COL3A1: variants seen among roughly 807,000 people sequenced by gnomAD.
COL3A1 encodes collagen type III alpha 1 chain.
A neutral mutation model predicts 200.9 loss-of-function variants in COL3A1; 46 were observed. The observed-to-expected ratio is 0.23, with a 90% CI of 0.18 to 0.29. COL3A1 has a LOEUF of 0.29. COL3A1 is among the 10% of genes least tolerant of loss of function. The pLI is 1.00. For missense variants in COL3A1, 1,367 were observed against 1,917.6 expected, an observed-to-expected ratio of 0.71 and a Z score of 5.36; for synonymous variants, 650 against 628.0, an observed-to-expected ratio of 1.03 and a Z score of -0.52.
At chr2:188,975,273 A>G (rs992278755) in intron 1 of COL3A1, among the ~76,000 whole-genome samples, 1 of 152,216 alleles carries the variant, frequency 6.6e-6, no homozygotes, top group East Asian at 1.9e-4. Context: ...TATTTTTTAA[A>G]ATGTTTCAAC....
intron 37 of COL3A1, 82 bp from the exon 38 acceptor site, chr2:189,003,652 C>A: frequency 6.7e-7 from 1 of 1,481,602 alleles, no homozygotes; most frequent in Non-Finnish European, 9.4e-7. Flanking sequence ...CAATGCAGAT[C>A]ATGCCACACA....
rs1291783479 is a variant in COL3A1 at position 188,991,690 on chromosome 2, G to A, written c.919G>A (p.Glu307Lys). The A allele has an allele frequency of 6.2e-7, 1 of 1,614,022 alleles. No homozygotes were observed. The highest frequency in any genetic ancestry group is 1.1e-5 in the South Asian group (1 of 91,072). Residue 307 changes from glutamate (E) to lysine (K), a missense_variant, in exon 13 of 51, where the codon GAG becomes AAG. By Grantham distance (56) the Glu-to-Lys change is moderately conservative. Coordinates refer to ENST00000304636, the MANE Select transcript of COL3A1 (RefSeq NM_000090.4). ...GPMGPRGAPG[E>K]RGRPGLPGAA... ...GTAGGGTCCAAGAGGGGCTCCTGGT[G>A]AGCGAGGACGGCCAGGACTTCCTGG...
intron 15 of COL3A1, 95 bp downstream of exon 15, chr2:188,993,035 A>G: frequency 8.9e-7 from 1 of 1,121,444 alleles, no homozygotes; most frequent in Non-Finnish European, 1.4e-6. Flanking sequence ...TTAATCAGTC[A>G]AATGGATAGC....
intron 15 of COL3A1, 112 bp from the exon 16 acceptor site, chr2:188,993,249 G>A: frequency 1.2e-6 from 1 of 863,936 alleles, no homozygotes; most frequent in South Asian, 1.4e-5. Flanking sequence ...CTGCAGTATA[G>A]AGTCCCACTA....
At chr2:189,002,238 C>G in intron 34 of COL3A1, 60 bp from the exon 35 acceptor site, 1 of 1,327,468 alleles carries the variant, frequency 7.5e-7, no homozygotes. Context: ...GATGACATTT[C>G]CTGCCTAAAG....
At position 189,004,326 on chromosome 2, in the gene COL3A1, C is replaced by A. The variant is rs1688539472; in HGVS notation, c.2893C>A (p.Pro965Thr). 1 of 1,606,736 alleles carries A rather than the reference C, an allele frequency of 6.2e-7. No individual in the cohort carries two copies. Among genetic ancestry groups the A allele is most frequent in the Non-Finnish European group, 8.5e-7 (1 of 1,176,962 alleles). The change falls in exon 40 of 51, where the codon CCA becomes ACA. Residue 965 changes from proline (P) to threonine (T), a missense_variant. Transcript: ENST00000304636. ...GGGTCTTGCAGGACCACCAGGCATG[C>A]CAGGTCCTAGGGGAAGCCCTGGCCC... ...ARGLAGPPGM[P>T]GPRGSPGPQG... is the part of the protein sequence containing the mutation.
intron 8 of COL3A1, 108 bp from the exon 9 acceptor site, chr2:188,989,988 T>C (rs1688152060): frequency 2.9e-6 from 3 of 1,034,744 alleles, no homozygotes; most frequent in East Asian, 2.4e-5. Flanking sequence ...TGTGGAACCA[T>C]TTTAATGAGT....
In COL3A1 at chr2:188,990,371, T is replaced by A. The variant is rs1373366033; in HGVS notation, c.798+11T>A. The A allele has an allele frequency of 1.2e-6, 2 of 1,611,882 alleles. No homozygotes were observed. The highest frequency in any genetic ancestry group is 1.7e-5 in the Admixed American group (1 of 59,910). ...ATGAAAGGACACAGAGTAAGTAGAG[T>A]TTCTAAGTTGTTTACAAGGTATTCC... On this transcript the variant is annotated intron_variant, in intron 10 of 50. Transcript: ENST00000304636.
Position 189,010,377 on chromosome 2 carries a change from T to G in COL3A1, c.4011+12T>G. On this transcript the variant is annotated intron_variant, in intron 49 of 50. Transcript: ENST00000304636. ...ATGGTGGTTTTCAGGTAGGAAAGGA[T>G]ATACCTTTTTTTAAATAAGTCACCT... The G allele has an allele frequency of 6.2e-7, 1 of 1,613,832 alleles. No homozygotes were observed. The highest frequency in any genetic ancestry group is 1.7e-5 in the Admixed American group (1 of 60,020).
In COL3A1 at chr2:188,994,236, T is replaced by C. The variant is rs892020201; in HGVS notation, c.1197T>C (p.Gly399=). 6 of 1,613,934 alleles carry C rather than the reference T, an allele frequency of 3.7e-6. No homozygotes were observed. In the Admixed American group the frequency reaches 8.3e-5, roughly 22 times the overall value. ...TAGTGTCTTTGGTTTGTTCTTAGGG[T>C]CCCGCTGGCATTCCTGGAGCTCCTG... ...NGSPGGKGEM[G]PAGIPGAPGL... The change falls in exon 18 of 51, where the codon GGT becomes GGC. Residue 399 remains glycine, a splice_region_variant and synonymous_variant. Transcript: ENST00000304636. This position sits in a 1 kb window ranked among gnomAD's most constrained non-coding sequence, Gnocchi z 4.5.
intron 42 of COL3A1, 33 bp downstream of exon 42, chr2:189,006,292 T>C: frequency 6.2e-7 from 1 of 1,614,036 alleles, no homozygotes; most frequent in Non-Finnish European, 8.5e-7. Flanking sequence ...TGATTTGTGT[T>C]ATCAAAATAA....
At chr2:188,976,796 C>T (rs970882753) in intron 1 of COL3A1, among the ~76,000 whole-genome samples, 2 of 152,126 alleles carry the variant, frequency 1.3e-5, no homozygotes, top group Non-Finnish European at 2.9e-5. Context: ...AATGGAGAAA[C>T]ATAGTCTGTT....
intron 7 of COL3A1, 138 bp from the exon 8 acceptor site, chr2:188,989,258 A>G (rs1688126562): frequency 1.6e-6 from 1 of 644,506 alleles, no homozygotes; most frequent in Non-Finnish European, 2.7e-6. Context: ...TTAACTCAGT[A>G]AGTATCATTT....
rs3736487 is a variant in COL3A1 at position 188,991,217 on chromosome 2, G to A, written c.852+160G>A. On this transcript the variant is annotated intron_variant, in intron 11 of 50. Coordinates refer to ENST00000304636, the MANE Select transcript of COL3A1 (RefSeq NM_000090.4). ...TAACCAATTCAGATATTCTATTAACGCTTCCATGAAAAATGACAACTTGAA... is the reference window on the plus strand; with the variant it reads ...TAACCAATTCAGATATTCTATTAACACTTCCATGAAAAATGACAACTTGAA... Among the ~76,000 whole-genome samples the A allele has an allele frequency of 0.2, 30,071 of 151,828 alleles. 3,604 individuals are homozygous for A. The highest frequency in any genetic ancestry group is 0.33 in the Middle Eastern group (96 of 294).
chr2:188,999,663 G>A, intron 31 of COL3A1, 86 bp downstream of exon 31: 1 of 1,453,380 alleles, frequency 6.9e-7, no homozygotes, highest in Non-Finnish European at 9.6e-7. Flanking sequence ...GTAATCGACT[G>A]TATTTTCAAA....
chr2:188,993,313 T>G, intron 15 of COL3A1, 48 bp from the exon 16 acceptor site: 1 of 1,476,666 alleles, frequency 6.8e-7, no homozygotes, highest in Non-Finnish European at 9.3e-7. Context: ...AGTGGCTAAG[T>G]GAGTAGAAGT....
intron 27 of COL3A1, 81 bp from the exon 28 acceptor site, chr2:188,998,185 C>A: frequency 3.1e-6 from 4 of 1,311,232 alleles, no homozygotes; most frequent in East Asian, 2.3e-5. Context: ...TAATATCTTG[C>A]AGAAACATGT....
chr2:188,999,333 G>T lies in COL3A1; in HGVS notation c.2071G>T (p.Ala691Ser), dbSNP rs1688399856. The T allele has an allele frequency of 1.3e-6, 2 of 1,592,550 alleles. No homozygotes were observed. Among genetic ancestry groups the T allele is most frequent in the Non-Finnish European group, 1.7e-6 (2 of 1,169,072 alleles). The stretch of plus-strand genomic sequence containing the variant: ...ACGTGGACCTCCTGGATTGGCAGGG[G>T]CCCCAGGACTTAGAGGTGGAGCTGG... ...GERGPPGLAG[A>S]PGLRGGAGPP... The change falls in exon 30 of 51, where the codon GCC (alanine) becomes TCC (serine). Residue 691 changes from alanine to serine, a missense_variant. By Grantham distance (99) the Ala-to-Ser change is moderately conservative (BLOSUM62 1). Transcript: ENST00000304636.
intron 47 of COL3A1, chr2:189,008,703 A>T (rs1408865965): frequency 1.7e-6 from 1 of 599,260 alleles, no homozygotes; most frequent in Non-Finnish European, 2.9e-6. Flanking sequence ...GACACTACTG[A>T]TTCTTACATA....
Sources: gnomAD v4.1 joint callset for allele counts (sites outside exome capture counted in the v4.1 genomes callset) on GRCh38, gnomAD v4.1.1 for gene constraint, Gnocchi (gnomAD v3.1) non-coding constraint, MANE v1.5 for transcripts, NCBI Gene and HGNC (gene_info 2026-07-23, HGNC 2026-07-21) for gene names.